STPG2: variants seen among roughly 807,000 people sequenced by gnomAD.
STPG2 encodes the protein sperm tail PG-rich repeat containing 2.
In STPG2, 56 loss-of-function variants were observed where a neutral mutation model predicts 54.2. That is an observed-to-expected ratio of 1.03 (90% CI 0.83 to 1.29). The LOEUF (loss-of-function observed/expected upper bound fraction) is 1.29, where lower values mean the gene tolerates loss of function less well. Among genes scored for constraint, STPG2 ranks in the 50% most tolerant of loss-of-function variants. STPG2 has a pLI of 0.00. For missense variants in STPG2, 596 were observed against 544.9 expected, an observed-to-expected ratio of 1.09 and a Z score of -0.93; for synonymous variants, 200 against 181.8, an observed-to-expected ratio of 1.10 and a Z score of -0.81.
intron 8 of STPG2, among the ~76,000 whole-genome samples, chr4:97,845,204 A>AT (rs922427793): frequency 3.3e-5 from 5 of 151,334 alleles, no homozygotes; most frequent in African/African-American, 1.2e-4. Context: ...GCAACTCTGG[A>AT]TTTTTTTTCT....
intron 10 of STPG2, among the ~76,000 whole-genome samples, chr4:97,636,481 T>A (rs1397777267): frequency 2.1e-5 from 3 of 143,928 alleles, no homozygotes; most frequent in East Asian, 4.0e-4. Flanking sequence ...AGGCAAGAAA[T>A]AACTAAAATC....
At chr4:97,542,791 TA>T (rs1171231423) in intron 4 of STPG2, among the ~76,000 whole-genome samples, 3 of 151,808 alleles carry the variant, frequency 2.0e-5, no homozygotes, top group African/African-American at 7.3e-5. Context: ...TATGCAGCCA[TA>T]AAAAATGATG....
At chr4:98,102,964 T>C (rs1054613539) in intron 5 of STPG2, among the ~76,000 whole-genome samples, 1 of 150,610 alleles carries the variant, frequency 6.6e-6, no homozygotes, top group Non-Finnish European at 1.5e-5. Flanking sequence ...CCTGGTCCCA[T>C]TTCCCTTATT....
intron 7 of STPG2, among the ~76,000 whole-genome samples, chr4:97,950,798 C>G (rs112838192): frequency 0.012 from 1,827 of 152,232 alleles, 31 homozygotes; most frequent in African/African-American, 0.042. Flanking sequence ...AATAACAGCC[C>G]TTTTCCAAAA....
chr4:98,025,407 A>G, intron 5 of STPG2: 1 of 377,126 alleles, frequency 2.7e-6, no homozygotes, highest in South Asian at 2.4e-5. Flanking sequence ...AAAGTTGTTA[A>G]GAATAAGGCC....
At chr4:97,454,519 CAAAAAA>C (rs10564687) in intron 4 of STPG2, among the ~76,000 whole-genome samples, 28 of 43,630 alleles carry the variant, frequency 6.4e-4, no homozygotes, top group African/African-American at 1.1e-3. Flanking sequence ...GACTCCGTCT[CAAAAAA>C]AAAAAAAAAA....
At chr4:97,450,413 A>C (rs1729335866) in intron 4 of STPG2, among the ~76,000 whole-genome samples, 1 of 152,222 alleles carries the variant, frequency 6.6e-6, no homozygotes, top group African/African-American at 2.4e-5. Flanking sequence ...AGATAATCAT[A>C]AAATACATAT....
chr4:97,830,407 C>T (rs918937940), intron 9 of STPG2, among the ~76,000 whole-genome samples: 4 of 152,132 alleles, frequency 2.6e-5, no homozygotes, highest in African/African-American at 9.7e-5. Context: ...TCAGTACCAA[C>T]CACTGCAAAA....
intron 7 of STPG2, among the ~76,000 whole-genome samples, chr4:97,954,868 A>T (rs889457678): frequency 6.6e-6 from 1 of 152,210 alleles, no homozygotes; most frequent in African/African-American, 2.4e-5. Context: ...GTCAAAAATC[A>T]AGAGAAAAAA....
At chr4:97,916,074 G>T (rs938630604) in intron 8 of STPG2, among the ~76,000 whole-genome samples, 2 of 152,142 alleles carry the variant, frequency 1.3e-5, no homozygotes, top group Admixed American at 1.3e-4. Context: ...CAAGTAGGCT[G>T]ACAATATATC....
At chr4:97,783,919 G>T (rs1726736731) in intron 9 of STPG2, among the ~76,000 whole-genome samples, 1 of 152,016 alleles carries the variant, frequency 6.6e-6, no homozygotes, top group Non-Finnish European at 1.5e-5. Context: ...GGCCAGTCAT[G>T]GGGTGGGGGG....
chr4:97,708,778 A>G (rs1164310598), intron 10 of STPG2, among the ~76,000 whole-genome samples: 2 of 151,734 alleles, frequency 1.3e-5, no homozygotes, highest in Non-Finnish European at 3.0e-5. Flanking sequence ...TTTCTATAGT[A>G]TAAAATTATT....
At chr4:97,655,090 C>T (rs1415955322) in intron 10 of STPG2, among the ~76,000 whole-genome samples, 1 of 151,916 alleles carries the variant, frequency 6.6e-6, no homozygotes, top group Non-Finnish European at 1.5e-5. Flanking sequence ...TTCTACTATG[C>T]ATTTTATATA....
At position 97,589,710 on chromosome 4, in the gene STPG2, C is replaced by T. The variant is rs190082399; in HGVS notation, c.1321-30593G>A. On this transcript the variant is annotated intron_variant, in intron 10 of 10. Transcript: ENST00000295268. ...ACGTCATGAATGTTCCCGGCAATGA[C>T]GGTTCGCAAATGTGACTGTGATCCT... Among the ~76,000 whole-genome samples the T allele has an allele frequency of 3.3e-3, 505 of 152,244 alleles. 3 individuals are homozygous for T. The highest frequency in any genetic ancestry group is 0.011 in the African/African-American group (476 of 41,544).
chr4:97,888,567 T>C (rs1252929015), intron 8 of STPG2, among the ~76,000 whole-genome samples: 1 of 152,204 alleles, frequency 6.6e-6, no homozygotes, highest in Non-Finnish European at 1.5e-5. Context: ...CAAAATTGTA[T>C]CTTGGAAGTA....
chr4:97,931,955 T>C (rs1428300715), intron 8 of STPG2, among the ~76,000 whole-genome samples: 1 of 152,146 alleles, frequency 6.6e-6, no homozygotes, highest in Non-Finnish European at 1.5e-5. Context: ...ATCAATTTCT[T>C]CCTGGTTCAA....
intron 5 of STPG2, among the ~76,000 whole-genome samples, chr4:98,013,410 T>C (rs1469442117): frequency 6.6e-6 from 1 of 152,098 alleles, no homozygotes; most frequent in African/African-American, 2.4e-5. Flanking sequence ...GAAGTTTTCT[T>C]TTTTGTTGTG....
At chr4:98,036,056 A>G (rs1003908435) in intron 5 of STPG2, among the ~76,000 whole-genome samples, 2 of 152,026 alleles carry the variant, frequency 1.3e-5, no homozygotes, top group African/African-American at 4.8e-5. Context: ...TAACAAACCT[A>G]CATGTTCTGC....
intron 7 of STPG2, among the ~76,000 whole-genome samples, chr4:97,958,766 A>G (rs981512772): frequency 2.0e-5 from 3 of 152,212 alleles, no homozygotes; most frequent in Admixed American, 2.0e-4. Context: ...CAGCAACACA[A>G]TAACAGTGGG....
Sources: gnomAD v4.1 joint callset for allele counts (sites outside exome capture counted in the v4.1 genomes callset) on GRCh38, gnomAD v4.1.1 for gene constraint, MANE v1.5 for transcripts, NCBI Gene and HGNC (gene_info 2026-07-23, HGNC 2026-07-21) for gene names.